The following LRCH3 variants were observed in gnomAD, a reference collection of about 807,000 sequenced individuals.
LRCH3 encodes leucine rich repeats and calponin homology domain containing 3.
Under a neutral mutation model 104.5 loss-of-function variants are expected in LRCH3, and 68 were observed. The observed-to-expected ratio is 0.65, with a 90% CI of 0.54 to 0.80. LRCH3 has a LOEUF of 0.80. Among genes scored for constraint, LRCH3 ranks in the 30% least tolerant of loss-of-function variants. The pLI, the probability that LRCH3 is intolerant of heterozygous loss-of-function variation, is 0.00. For missense variants in LRCH3, 951 were observed against 953.9 expected (o/e 1.00, Z 0.04); for synonymous variants, 344 against 361.3 (o/e 0.95, Z 0.54).
intron 9 of LRCH3, among the ~76,000 whole-genome samples, chr3:197,837,420 A>G (rs1397726528): frequency 6.6e-6 from 1 of 152,196 alleles, no homozygotes; most frequent in African/African-American, 2.4e-5. Context: ...TACGTATGGT[A>G]GTCTTTATGA....
At chr3:197,803,862 CT>C (rs1732166569) in intron 1 of LRCH3, among the ~76,000 whole-genome samples, 1 of 152,138 alleles carries the variant, frequency 6.6e-6, no homozygotes, top group Non-Finnish European at 1.5e-5. Flanking sequence ...CCAGGTAATT[CT>C]TTTTCCAAAG....
At chr3:197,826,752 A>T in intron 4 of LRCH3, 126 bp from the exon 5 acceptor site, 1 of 1,178,416 alleles carries the variant, frequency 8.5e-7, no homozygotes, top group Non-Finnish European at 1.2e-6. Flanking sequence ...CTTTGCTACC[A>T]GTTAATCACT....
At chr3:197,797,890 A>C (rs1181291794) in intron 1 of LRCH3, among the ~76,000 whole-genome samples, 3 of 147,642 alleles carry the variant, frequency 2.0e-5, no homozygotes, top group South Asian at 2.1e-4. Flanking sequence ...AAACAAAAAA[A>C]AAAACAAAAC....
At chr3:197,835,648 TGTGG>T in intron 8 of LRCH3, 22 bp from the exon 9 acceptor site, 2 of 1,592,732 alleles carry the variant, frequency 1.3e-6, no homozygotes, top group Non-Finnish European at 1.7e-6. Context: ...TGTGTGTGTG[TGTGG>T]GTGTGTGTGT....
chr3:197,797,057 G>A (rs984071447), intron 1 of LRCH3, among the ~76,000 whole-genome samples: 1 of 151,340 alleles, frequency 6.6e-6, no homozygotes, highest in Non-Finnish European at 1.5e-5. Flanking sequence ...GCTGGGCATG[G>A]TAGCACACGC....
At chr3:197,843,719 C>T (rs1184259095) in intron 10 of LRCH3, among the ~76,000 whole-genome samples, 1 of 152,054 alleles carries the variant, frequency 6.6e-6, no homozygotes, top group African/African-American at 2.4e-5. Context: ...AGATAAAAGT[C>T]TGGTTTACTT....
intron 9 of LRCH3, among the ~76,000 whole-genome samples, chr3:197,837,097 A>G (rs1470852242): frequency 2.6e-5 from 4 of 152,206 alleles, no homozygotes; most frequent in Non-Finnish European, 1.5e-5. Context: ...ATAAAATTAG[A>G]TAAGTCAAAG....
intron 1 of LRCH3, among the ~76,000 whole-genome samples, chr3:197,812,504 GTTTTTTTTTTTTT>G (rs71623380): frequency 4.1e-5 from 2 of 48,956 alleles, no homozygotes; most frequent in Non-Finnish European, 7.0e-5. Context: ...TCTGCTTTCA[GTTTTTTTTTTTTT>G]TTTTTTTTTT....
rs1730488610 is a variant in LRCH3, at chr3:197,791,478, G to A, written c.200G>A (p.Arg67Gln). The change falls in exon 1 of 21, where the codon CGG (arginine) becomes CAG (glutamine). Residue 67 changes from arginine to glutamine, a missense_variant. Transcript: ENST00000425562. ...AVTGVLSLSG[R>Q]KLREFPRGAA... Reference sequence around the variant, plus strand: ...ACTGGGGTGCTGAGCCTGAGCGGCCGGAAACTGAGGGAGTTTCCCCGGGGA... The same window carrying A: ...ACTGGGGTGCTGAGCCTGAGCGGCCAGAAACTGAGGGAGTTTCCCCGGGGA... 6.2e-7 allele frequency: 1 copy of A among 1,601,032 alleles called. No individual in the cohort carries two copies. Among genetic ancestry groups the A allele is most frequent in the Non-Finnish European group, 8.5e-7 (1 of 1,175,330 alleles).
At chr3:197,802,828 A>G (rs1387079535) in intron 1 of LRCH3, among the ~76,000 whole-genome samples, 1 of 152,192 alleles carries the variant, frequency 6.6e-6, no homozygotes, top group Non-Finnish European at 1.5e-5. Context: ...AAGCGAAAAG[A>G]AGTGATTGAG....
chr3:197,805,623 C>G (rs372918860), intron 1 of LRCH3, among the ~76,000 whole-genome samples: 1 of 151,030 alleles, frequency 6.6e-6, no homozygotes, highest in South Asian at 2.1e-4. Flanking sequence ...AGGCATCTCC[C>G]TGCTTGGCTG....
At chr3:197,844,468 A>G (rs546520637) in intron 10 of LRCH3, among the ~76,000 whole-genome samples, 85 of 151,274 alleles carry the variant, frequency 5.6e-4, no homozygotes, top group African/African-American at 2.0e-3. Context: ...CATAGCTCAT[A>G]AGCAGCCTTG....
chr3:197,793,163 A>T (rs939880527), intron 1 of LRCH3, among the ~76,000 whole-genome samples: 1 of 152,254 alleles, frequency 6.6e-6, no homozygotes, highest in East Asian at 1.9e-4. Context: ...TTAAAAATTT[A>T]TAAGTATTAC....
At chr3:197,857,842 C>A (rs1283814083) in intron 14 of LRCH3, among the ~76,000 whole-genome samples, 1 of 152,128 alleles carries the variant, frequency 6.6e-6, no homozygotes, top group Non-Finnish European at 1.5e-5. Flanking sequence ...ACATATAATA[C>A]ATTGTGTGTT....
intron 1 of LRCH3, among the ~76,000 whole-genome samples, chr3:197,798,253 C>T (rs1731486035): frequency 6.6e-6 from 1 of 150,894 alleles, no homozygotes; most frequent in Non-Finnish European, 1.5e-5. Flanking sequence ...AGAGTGAGAC[C>T]CTGTCTCAAA....
intron 8 of LRCH3, among the ~76,000 whole-genome samples, chr3:197,835,368 G>C (rs1370513402): frequency 6.6e-6 from 1 of 151,518 alleles, no homozygotes; most frequent in Non-Finnish European, 1.5e-5. Context: ...ATTTTTAGTA[G>C]AGACGGGATT....
chr3:197,882,788 T>C (rs1580933518), intron 20 of LRCH3: 1 of 985,166 alleles, frequency 1.0e-6, no homozygotes, highest in African/African-American at 1.7e-5. Context: ...TCAACACTTC[T>C]CACATGTTGG....
Position 197,854,266 on chromosome 3 carries a change from C to A in LRCH3, c.1591-126C>A. ...ATTCCAGATGATTGTGAATGTGGTC[C>A]TCTATGTCAACGTCTTCAAAAGTAT... On this transcript the variant is annotated intron_variant, in intron 13 of 20. Coordinates refer to ENST00000425562, the MANE Select transcript of LRCH3 (RefSeq NM_001365715.1). The surrounding 1 kb of genome is among the most constrained non-coding windows in gnomAD (Gnocchi z 4.5). The A allele has an allele frequency of 1.2e-6, 1 of 811,488 alleles. No homozygotes were observed. The highest frequency in any genetic ancestry group is 1.7e-5 in the African/African-American group (1 of 59,420). 50.3% of individuals were successfully genotyped at this position (811,488 alleles called of 1,614,324 possible).
Position 197,810,668 on chromosome 3 carries a change from CAA to C in LRCH3, c.263-4239_263-4238del, listed in dbSNP as rs919310141. On this transcript the variant is annotated intron_variant, in intron 1 of 20. Transcript: ENST00000425562. The surrounding 1 kb of genome is among the most constrained non-coding windows in gnomAD (Gnocchi z 4.0). Reference sequence around the variant, plus strand: ...AGATTTTTAAGGTACATGTCACTAACAAGAGGCAGATTACATTTCTACTTTGA... The same window carrying C: ...AGATTTTTAAGGTACATGTCACTAACGAGGCAGATTACATTTCTACTTTGA... 1.3e-5 allele frequency among the ~76,000 whole-genome samples: 2 copies of C among 151,856 alleles called. No homozygotes were observed. The highest frequency in any genetic ancestry group is 1.9e-4 in the East Asian group (1 of 5,182).
Sources: allele counts gnomAD v4.1 joint callset (sites outside exome capture counted in the v4.1 genomes callset), GRCh38; gene constraint gnomAD v4.1.1; non-coding constraint Gnocchi (gnomAD v3.1); transcripts MANE v1.5; gene names NCBI Gene and HGNC (gene_info 2026-07-23, HGNC 2026-07-21).